Variants in CSMD1 observed in about 807,000 individuals in gnomAD.
CSMD1 encodes CUB and Sushi multiple domains 1.
CSMD1 carries 213 observed loss-of-function variants against 417.5 expected under a neutral mutation model. That is an observed-to-expected ratio of 0.51 (90% CI 0.46 to 0.57). The LOEUF is 0.57. Among genes scored for constraint, CSMD1 ranks in the 20% least tolerant of loss-of-function variants. The pLI, the probability that CSMD1 is intolerant of heterozygous loss-of-function variation, is 0.00. For synonymous variants in CSMD1, 2,862 were observed against 1,736.8 expected (o/e 1.65, Z -16.11); for missense variants, 6,923 against 4,529.7 (o/e 1.53, Z -15.17).
At chr8:4,253,458 T>C (rs550037159) in intron 3 of CSMD1, among the ~76,000 whole-genome samples, 12 of 152,194 alleles carry the variant, frequency 7.9e-5, no homozygotes, top group Non-Finnish European at 1.0e-4. Flanking sequence ...CAGGACCTAA[T>C]AAACATTTGT....
intron 4 of CSMD1, among the ~76,000 whole-genome samples, chr8:4,020,643 T>G (rs1056435786): frequency 1.5e-4 from 23 of 152,324 alleles, no homozygotes; most frequent in African/African-American, 5.5e-4. Flanking sequence ...TCTTCTTTAT[T>G]TTTTCTTACT....
chr8:4,289,418 T>G (rs1249783966), intron 3 of CSMD1, among the ~76,000 whole-genome samples: 5 of 63,054 alleles, frequency 7.9e-5, no homozygotes, highest in Non-Finnish European at 1.2e-4. Context: ...AGGGCCTGTG[T>G]TTCTCCTATT....
rs558750707 is a variant in CSMD1 at position 4,723,064 on chromosome 8, A to G, written c.86-85506T>C. 2.0e-5 allele frequency among the ~76,000 whole-genome samples: 3 copies of G among 152,248 alleles called. No homozygotes were observed. The South Asian group carries it at 6.2e-4, about 31-fold the overall frequency. ...GCAAAACAGTATTGATCTCCTTTCA[A>G]AAGTGAATAGAGGTCAGCTTTCTGT... On this transcript the variant is annotated intron_variant, in intron 1 of 69. Coordinates refer to ENST00000635120, the MANE Select transcript of CSMD1 (RefSeq NM_033225.6).
chr8:3,861,536 T>G (rs934441524), intron 5 of CSMD1, among the ~76,000 whole-genome samples: 9 of 152,174 alleles, frequency 5.9e-5, no homozygotes, highest in African/African-American at 1.9e-4. Flanking sequence ...GGGAGAATTC[T>G]GGGATTTAAC....
At chr8:3,506,883 G>C (rs1366656267) in intron 10 of CSMD1, among the ~76,000 whole-genome samples, 1 of 152,154 alleles carries the variant, frequency 6.6e-6, no homozygotes, top group Non-Finnish European at 1.5e-5. Context: ...GACACTATTT[G>C]ATGTCGGATA....
chr8:3,820,803 C>A (rs546212737), intron 5 of CSMD1, among the ~76,000 whole-genome samples: 9 of 152,120 alleles, frequency 5.9e-5, no homozygotes, highest in Non-Finnish European at 1.0e-4. Flanking sequence ...AGGCTGATCT[C>A]CAATTCCTGA....
At chr8:3,969,009 G>A (rs1358825255) in intron 5 of CSMD1, among the ~76,000 whole-genome samples, 1 of 152,146 alleles carries the variant, frequency 6.6e-6, no homozygotes, top group Non-Finnish European at 1.5e-5. Context: ...TCAGCACTTT[G>A]GAAGGCCGAG....
At position 2,937,053 on chromosome 8, in the gene CSMD1, T is replaced by A. The variant is rs150881801; in HGVS notation, c.*1532A>T. ...CAAAAATATTTTTATCAAATAAGTA[T>A]AAGTAAAAGTAAACATGATTTTCAC... On this transcript the variant is annotated 3_prime_UTR_variant, in exon 70 of 70. Coordinates refer to ENST00000635120, the MANE Select transcript of CSMD1 (RefSeq NM_033225.6). 2.6e-5 allele frequency: 4 copies of A among 152,158 alleles called. No homozygotes were observed. Among genetic ancestry groups the A allele is most frequent in the Admixed American group, 1.3e-4 (2 of 15,272 alleles). 9.4% of individuals were successfully genotyped at this position (152,158 alleles called of 1,614,324 possible).
At chr8:4,027,659 C>T (rs983728257) in intron 4 of CSMD1, among the ~76,000 whole-genome samples, 4 of 152,124 alleles carry the variant, frequency 2.6e-5, no homozygotes, top group Non-Finnish European at 5.9e-5. Flanking sequence ...GGTATTTCTT[C>T]ATAGTAGCAT....
At chr8:3,598,480 G>C (rs904708635) in intron 8 of CSMD1, among the ~76,000 whole-genome samples, 37 of 152,262 alleles carry the variant, frequency 2.4e-4, no homozygotes, top group Admixed American at 2.4e-3. Flanking sequence ...CGCCCCATAG[G>C]CTCAAGTGGG....
chr8:3,262,226 T>TATAC lies in CSMD1; in HGVS notation c.4153+21917_4153+21918insGTAT, dbSNP rs1801132377. 1.8e-5 allele frequency among the ~76,000 whole-genome samples: 2 copies of TATAC among 112,318 alleles called. 1 individual carries two copies. The highest frequency in any genetic ancestry group is 5.7e-4 in the South Asian group (2 of 3,496). 73.7% of individuals were successfully genotyped at this position (112,318 alleles called of 152,430 possible). ...ATATATATATATATATATATATATA[T>TATAC]ATATACACACACATAGTTAATTTCA... On this transcript the variant is annotated intron_variant, in intron 26 of 69. Transcript: ENST00000635120.
intron 3 of CSMD1, among the ~76,000 whole-genome samples, chr8:4,305,279 A>G (rs530689567): frequency 6.6e-6 from 1 of 152,322 alleles, no homozygotes; most frequent in African/African-American, 2.4e-5. Flanking sequence ...CTGGGAACTG[A>G]GCTGCATCAG....
chr8:3,200,097 G>T (rs1338536074), intron 32 of CSMD1, among the ~76,000 whole-genome samples: 1 of 152,058 alleles, frequency 6.6e-6, no homozygotes, highest in Non-Finnish European at 1.5e-5. Flanking sequence ...AGAGTAGACA[G>T]AAGTAAAGGG....
At position 3,857,140 on chromosome 8, in the gene CSMD1, C is replaced by T. The variant is rs76042759; in HGVS notation, c.819-103098G>A. Among the ~76,000 whole-genome samples, 1,004 of 152,022 alleles carry T rather than the reference C, an allele frequency of 6.6e-3. 7 individuals carry two copies. Among genetic ancestry groups the T allele is most frequent in the African/African-American group, 0.023 (937 of 41,456 alleles). ...AAAGTAACTAAGACAAAGTTGTCTA[C>T]GAAGTTAGTGTAAAATGATGGGATA... On this transcript the variant is annotated intron_variant, in intron 5 of 69. Coordinates refer to ENST00000635120, the MANE Select transcript of CSMD1 (RefSeq NM_033225.6).
At chr8:3,220,575 G>T (rs982271089) in intron 28 of CSMD1, among the ~76,000 whole-genome samples, 2 of 152,182 alleles carry the variant, frequency 1.3e-5, no homozygotes, top group Non-Finnish European at 2.9e-5. Flanking sequence ...GCTCTAGCCT[G>T]TAATCCCAGC....
chr8:4,750,738 C>A (rs374642844), intron 1 of CSMD1, among the ~76,000 whole-genome samples: 1 of 149,920 alleles, frequency 6.7e-6, no homozygotes, highest in Non-Finnish European at 1.5e-5. Flanking sequence ...CAGTAAATAC[C>A]GAATTACTTC....
intron 1 of CSMD1, among the ~76,000 whole-genome samples, chr8:4,775,266 T>G (rs1796791169): frequency 6.6e-6 from 1 of 152,156 alleles, no homozygotes; most frequent in Non-Finnish European, 1.5e-5. Flanking sequence ...ATAGAAAAAC[T>G]GCAATGATTA....
At chr8:3,766,568 T>C (rs957978835) in intron 5 of CSMD1, among the ~76,000 whole-genome samples, 4 of 152,124 alleles carry the variant, frequency 2.6e-5, no homozygotes, top group African/African-American at 9.7e-5. Flanking sequence ...GATATCCATA[T>C]CATATTTTGA....
In CSMD1 at chr8:3,387,425, C is replaced by A. The variant is rs567994569; in HGVS notation, c.2782+69G>T. 7.5e-6 allele frequency: 10 copies of A among 1,339,546 alleles called. No homozygotes were observed. In the South Asian group the frequency reaches 1.3e-4, roughly 17 times the overall value. 83.0% of individuals were successfully genotyped at this position (1,339,546 alleles called of 1,614,324 possible). A position where few individuals can be genotyped will look rare whatever the true frequency, so the allele number is the denominator to read the frequency against. On this transcript the variant is annotated intron_variant, in intron 18 of 69. Coordinates refer to ENST00000635120, the MANE Select transcript of CSMD1 (RefSeq NM_033225.6). ...CACCCCCTGAAATACACACACCACC[C>A]AGCTAGTTAGACGTGTGCGCTGTCT...
Sources: allele counts gnomAD v4.1 joint callset (sites outside exome capture counted in the v4.1 genomes callset), GRCh38; gene constraint gnomAD v4.1.1; transcripts MANE v1.5; gene names NCBI Gene and HGNC (gene_info 2026-07-23, HGNC 2026-07-21).